PLEKHM3: variants seen among roughly 807,000 people sequenced by gnomAD.
PLEKHM3 encodes the protein pleckstrin homology domain containing M3, also known as pleckstrin homology domain-containing family M member 3.
Under a neutral mutation model 81.8 loss-of-function variants are expected in PLEKHM3, and 45 were observed. That is an observed-to-expected ratio of 0.55 (90% confidence interval 0.43 to 0.71). The LOEUF (loss-of-function observed/expected upper bound fraction) is 0.71. PLEKHM3 is among the 30% of genes least tolerant of loss of function. PLEKHM3 has a pLI of 0.00. For missense variants in PLEKHM3, 788 were observed against 924.3 expected, an observed-to-expected ratio of 0.85 and a Z score of 1.91; for synonymous variants, 352 against 356.4, an observed-to-expected ratio of 0.99 and a Z score of 0.14.
intron 6 of PLEKHM3, among the ~76,000 whole-genome samples, chr2:207,874,447 G>A (rs1453643402): frequency 1.3e-5 from 2 of 151,856 alleles, no homozygotes; most frequent in Non-Finnish European, 2.9e-5. Context: ...GATGGCACAC[G>A]CCTGTAATCC....
chr2:207,896,625 G>A (rs531292117), intron 6 of PLEKHM3, among the ~76,000 whole-genome samples: 2 of 152,198 alleles, frequency 1.3e-5, no homozygotes, highest in South Asian at 2.1e-4. Flanking sequence ...AAGGCCCTTC[G>A]GTCCAGTTCC....
chr2:207,975,505 T>G (rs1037560462), intron 3 of PLEKHM3, among the ~76,000 whole-genome samples: 2 of 150,286 alleles, frequency 1.3e-5, no homozygotes, highest in African/African-American at 4.9e-5. Flanking sequence ...TCACAAACTG[T>G]GGGGTTTAAT....
At position 207,823,594 on chromosome 2, in the gene PLEKHM3, G is replaced by A. The variant is rs1422679628; in HGVS notation, c.*4725C>T. On this transcript the variant is annotated 3_prime_UTR_variant, in exon 8 of 8. Coordinates refer to ENST00000427836, the MANE Select transcript of PLEKHM3 (RefSeq NM_001080475.3). ...TGGGATTACAGGCATGAGCCACTACGTTCAGCCTAATTTTTTTATTTTTAG... is the reference window on the plus strand; with the variant it reads ...TGGGATTACAGGCATGAGCCACTACATTCAGCCTAATTTTTTTATTTTTAG... The A allele has an allele frequency of 2.0e-5, 3 of 152,038 alleles. No homozygotes were observed. The highest frequency in any genetic ancestry group is 6.6e-5 in the Admixed American group (1 of 15,258). 9.4% of individuals were successfully genotyped at this position (152,038 alleles called of 1,614,324 possible).
rs369685735 is a variant in PLEKHM3 at position 207,982,239 on chromosome 2, C to A, written c.611-4653G>T. Reference sequence around the variant, plus strand: ...TCCCTCCCTCCCTCCCTCACTCCCCCCCTCGCTCCCCCCCTCCCTCGCTCC... The same window carrying A: ...TCCCTCCCTCCCTCCCTCACTCCCCACCTCGCTCCCCCCCTCCCTCGCTCC... On this transcript the variant is annotated intron_variant, in intron 2 of 7. Coordinates refer to ENST00000427836, the MANE Select transcript of PLEKHM3 (RefSeq NM_001080475.3). Among the ~76,000 whole-genome samples, 34 of 127,458 alleles carry A rather than the reference C, an allele frequency of 2.7e-4. No homozygotes were observed. The South Asian group carries it at 8.8e-3, about 33-fold the overall frequency. The allele number at this position is 127,458 out of a possible 152,430, so 83.6% of individuals were successfully genotyped here. A position where few individuals can be genotyped will look rare whatever the true frequency, so the allele number is the denominator to read the frequency against.
intron 2 of PLEKHM3, among the ~76,000 whole-genome samples, chr2:207,978,041 A>AT (rs1359251179): frequency 6.6e-6 from 1 of 152,160 alleles, no homozygotes; most frequent in Non-Finnish European, 1.5e-5. Context: ...AGCCATAATC[A>AT]TGCCACTGTA....
chr2:207,875,997 G>A (rs2092558282), intron 6 of PLEKHM3, among the ~76,000 whole-genome samples: 1 of 152,156 alleles, frequency 6.6e-6, no homozygotes, highest in Non-Finnish European at 1.5e-5. Flanking sequence ...AGTATAATGT[G>A]AACTGGAAAA....
chr2:207,837,305 A>G (rs2092324620), intron 7 of PLEKHM3, among the ~76,000 whole-genome samples: 1 of 152,202 alleles, frequency 6.6e-6, no homozygotes, highest in Non-Finnish European at 1.5e-5. Context: ...AAATATGATT[A>G]ATAGGATTAA....
At chr2:207,829,508 C>T (rs1186097849) in intron 7 of PLEKHM3, among the ~76,000 whole-genome samples, 2 of 152,116 alleles carry the variant, frequency 1.3e-5, no homozygotes, top group Non-Finnish European at 2.9e-5. Flanking sequence ...AACTCTTGAC[C>T]TCAGGTGATC....
At chr2:207,964,587 A>G (rs1574450222) in intron 3 of PLEKHM3, among the ~76,000 whole-genome samples, 1 of 152,242 alleles carries the variant, frequency 6.6e-6, no homozygotes, top group East Asian at 1.9e-4. Flanking sequence ...AAGTCTTGCA[A>G]AAAAAGTCTT....
intron 7 of PLEKHM3, among the ~76,000 whole-genome samples, chr2:207,854,499 TAAAAC>T (rs1383883593): frequency 1.3e-5 from 2 of 152,252 alleles, no homozygotes; most frequent in African/African-American, 4.8e-5. Context: ...TTTATTTATT[TAAAAC>T]ATTTTTATAG....
chr2:207,858,900 TCCAGA>T (rs2092451281), intron 7 of PLEKHM3, among the ~76,000 whole-genome samples: 2 of 152,052 alleles, frequency 1.3e-5, no homozygotes, highest in Admixed American at 1.3e-4. Context: ...ACAATCTAAT[TCCAGA>T]ACATTTTCAT....
rs1459669619 is a variant in PLEKHM3 at position 207,901,161 on chromosome 2, A to G, written c.1950+7353T>C. The stretch of plus-strand genomic sequence containing the variant: ...CAGGGCTCTCTATCCACCACTCACA[A>G]CACACAGTCATCTTTCTGATCTGGC... On this transcript the variant is annotated intron_variant, in intron 6 of 7. Transcript: ENST00000427836. The G allele has an allele frequency of 5.9e-6, 4 of 676,024 alleles. No individual in the cohort carries two copies. The South Asian group carries it at 6.4e-5, about 11-fold the overall frequency. The allele number at this position is 676,024 out of a possible 1,614,324, so 41.9% of individuals were successfully genotyped here.
intron 5 of PLEKHM3, among the ~76,000 whole-genome samples, chr2:207,927,028 C>T (rs1034609857): frequency 1.3e-5 from 2 of 152,176 alleles, no homozygotes; most frequent in African/African-American, 4.8e-5. Flanking sequence ...AGATTAATGG[C>T]CACTCTCATA....
At chr2:207,954,665 A>G (rs904783386) in intron 3 of PLEKHM3, among the ~76,000 whole-genome samples, 11 of 152,236 alleles carry the variant, frequency 7.2e-5, no homozygotes, top group African/African-American at 2.7e-4. Flanking sequence ...TCTATAAGCT[A>G]TTAAGAGTTA....
intron 3 of PLEKHM3, among the ~76,000 whole-genome samples, chr2:207,951,145 C>T (rs1690315175): frequency 6.6e-6 from 1 of 152,106 alleles, no homozygotes; most frequent in Admixed American, 6.6e-5. Flanking sequence ...AATACACAAT[C>T]TGGGATTTTA....
intron 3 of PLEKHM3, among the ~76,000 whole-genome samples, chr2:207,975,748 C>G (rs967571869): frequency 6.6e-6 from 1 of 151,784 alleles, no homozygotes; most frequent in Non-Finnish European, 1.5e-5. Context: ...AAGCACCCAC[C>G]ACCAAGCCTG....
intron 3 of PLEKHM3, among the ~76,000 whole-genome samples, chr2:207,948,553 T>TG (rs1690220398): frequency 6.7e-6 from 1 of 149,062 alleles, no homozygotes; most frequent in Non-Finnish European, 1.5e-5. Context: ...TTTGTTTTTT[T>TG]TTTTTTTTGA....
chr2:207,839,380 A>C (rs2092337525), intron 7 of PLEKHM3, among the ~76,000 whole-genome samples: 1 of 152,236 alleles, frequency 6.6e-6, no homozygotes, highest in African/African-American at 2.4e-5. Context: ...TAACTTTATG[A>C]GCAGTGTGAT....
chr2:207,930,845 G>C (rs995284589), intron 5 of PLEKHM3, 81 bp downstream of exon 5: 1 of 1,496,994 alleles, frequency 6.7e-7, no homozygotes, highest in African/African-American at 1.4e-5. Flanking sequence ...TGCTGGAAAG[G>C]CCCTTTGGAG....
Sources: allele counts gnomAD v4.1 joint callset (sites outside exome capture counted in the v4.1 genomes callset), GRCh38; gene constraint gnomAD v4.1.1; transcripts MANE v1.5; gene names NCBI Gene and HGNC (gene_info 2026-07-23, HGNC 2026-07-21).